The following EPS8 variants were observed in gnomAD, a reference collection of about 807,000 sequenced individuals.
The protein encoded by EPS8 is EGFR pathway substrate 8, signaling adaptor.
EPS8 carries 42 observed loss-of-function variants against 103.8 expected under a neutral mutation model. The observed-to-expected ratio is 0.40, with a 90% CI of 0.32 to 0.52. The LOEUF (loss-of-function observed/expected upper bound fraction) is 0.52, where lower values mean the gene tolerates loss of function less well. Among genes scored for constraint, EPS8 ranks in the 20% least tolerant of loss-of-function variants. The pLI, the probability that EPS8 is intolerant of heterozygous loss-of-function variation, is 0.40. For synonymous variants in EPS8, 344 were observed against 344.6 expected (o/e 1.00, Z 0.02); for missense variants, 969 against 1,005.1 (o/e 0.96, Z 0.49).
chr12:15,654,050 G>T, intron 13 of EPS8, 95 bp downstream of exon 13: 1 of 1,214,258 alleles, frequency 8.2e-7, no homozygotes, highest in Non-Finnish European at 1.2e-6. Flanking sequence ...ATGACGCTTA[G>T]TCCTTCGTAT....
chr12:15,735,876 A>G lies in EPS8; in HGVS notation c.-21-52904T>C, dbSNP rs181840131. Among the ~76,000 whole-genome samples the G allele has an allele frequency of 8.1e-3, 1,228 of 152,052 alleles. 16 individuals are homozygous for G. Among genetic ancestry groups the G allele is most frequent in the African/African-American group, 0.028 (1,142 of 41,356 alleles). ...AAAAAATGCCAATAATAGGACAAAG[A>G]CAAAGAGTTTGTGTTTTTTTGTGTT... On this transcript the variant is annotated intron_variant, in intron 1 of 20. Coordinates refer to ENST00000281172, the MANE Select transcript of EPS8 (RefSeq NM_004447.6). This position sits in a 1 kb window ranked among gnomAD's most constrained non-coding sequence, Gnocchi z 4.4.
In EPS8 at chr12:15,767,727, A is replaced by C. The variant is rs1193108303; in HGVS notation, c.-22+21434T>G. On this transcript the variant is annotated intron_variant, in intron 1 of 20. Coordinates refer to ENST00000281172, the MANE Select transcript of EPS8 (RefSeq NM_004447.6). The surrounding 1 kb of genome is among the most constrained non-coding windows in gnomAD (Gnocchi z 5.5). The stretch of plus-strand genomic sequence containing the variant: ...ATGGTTGTTAGAATAAGGAAATTGA[A>C]ATGGTTGGTGGCAACAGCTCTCCTT... 6.6e-6 allele frequency among the ~76,000 whole-genome samples: 1 copy of C among 152,234 alleles called. No individual in the cohort carries two copies. The highest frequency in any genetic ancestry group is 1.5e-5 in the Non-Finnish European group (1 of 68,048).
Position 15,696,995 on chromosome 12 carries a change from T to C in EPS8, c.-21-14023A>G, listed in dbSNP as rs1485903838. ...GTTTGGGTAAGTAAGCTATTTTAGG[T>C]CAGAAAGAAGAGGAGATTTGAAGAG... On this transcript the variant is annotated intron_variant, in intron 1 of 20. Transcript: ENST00000281172. The surrounding 1 kb of genome is among the most constrained non-coding windows in gnomAD (Gnocchi z 4.8). 6.6e-6 allele frequency among the ~76,000 whole-genome samples: 1 copy of C among 152,132 alleles called. No individual in the cohort carries two copies. The highest frequency in any genetic ancestry group is 2.4e-5 in the African/African-American group (1 of 41,430).
In EPS8 at chr12:15,713,020, G is replaced by A; in HGVS notation, c.-21-30048C>T. 1.0e-6 allele frequency: 1 copy of A among 984,982 alleles called. No individual in the cohort carries two copies. Among genetic ancestry groups the A allele is most frequent in the Non-Finnish European group, 1.2e-6 (1 of 829,576 alleles). The allele number at this position is 984,982 out of a possible 1,614,324, so 61.0% of individuals were successfully genotyped here. The stretch of plus-strand genomic sequence containing the variant: ...CTGTACCAAACAAAATTTCTGATTT[G>A]GTTTCTCTAGGGCGTTAACTAAGAT... On this transcript the variant is annotated intron_variant, in intron 1 of 20. Transcript: ENST00000281172. The surrounding 1 kb of genome is among the most constrained non-coding windows in gnomAD (Gnocchi z 4.8).
In EPS8 at chr12:15,771,204, T is replaced by C. The variant is rs114457063; in HGVS notation, c.-22+17957A>G. 8.2e-3 allele frequency among the ~76,000 whole-genome samples: 1,243 copies of C among 152,242 alleles called. 19 individuals carry two copies. Among genetic ancestry groups the C allele is most frequent in the African/African-American group, 0.028 (1,160 of 41,546 alleles). On this transcript the variant is annotated intron_variant, in intron 1 of 20. Transcript: ENST00000281172. This position sits in a 1 kb window ranked among gnomAD's most constrained non-coding sequence, Gnocchi z 4.6. ...ATAAATTAAAAAGTTATTCCAAATA[T>C]AGACAAGAGGGACACTGAAGCACAG...
chr12:15,730,520 C>T (rs1324860180), intron 1 of EPS8, among the ~76,000 whole-genome samples: 1 of 152,110 alleles, frequency 6.6e-6, no homozygotes, highest in African/African-American at 2.4e-5. Context: ...CAACAAGATA[C>T]ACTAGAACTA....
At chr12:15,641,578 C>T in intron 16 of EPS8, 144 bp downstream of exon 16, 1 of 425,648 alleles carries the variant, frequency 2.3e-6, no homozygotes, top group East Asian at 3.7e-5. Context: ...TATCTATATA[C>T]CCCTACTAAA....
chr12:15,661,453 T>C (rs762105411), intron 9 of EPS8, among the ~76,000 whole-genome samples: 11 of 152,158 alleles, frequency 7.2e-5, no homozygotes, highest in Admixed American at 2.0e-4. Flanking sequence ...AACATGTATA[T>C]GGTATAAAAA....
chr12:15,746,249 CT>C (rs1946874021), intron 1 of EPS8, among the ~76,000 whole-genome samples: 1 of 152,138 alleles, frequency 6.6e-6, no homozygotes, highest in Admixed American at 6.5e-5. Flanking sequence ...CTAGTCAATC[CT>C]CTTTAGCTGC....
chr12:15,670,823 C>T (rs368249840), intron 4 of EPS8, 33 bp downstream of exon 4: 11 of 1,479,918 alleles, frequency 7.4e-6, no homozygotes, highest in Non-Finnish European at 9.4e-6. Context: ...TCAAGGGTCA[C>T]TCTAAATACT....
At chr12:15,681,334 A>C in intron 2 of EPS8, 32 bp from the exon 3 acceptor site, 1 of 981,482 alleles carries the variant, frequency 1.0e-6, no homozygotes, top group Non-Finnish European at 1.4e-6. Context: ...TAATAATAAT[A>C]ATATAAAAAG....
At chr12:15,753,515 C>G (rs187798319) in intron 1 of EPS8, among the ~76,000 whole-genome samples, 6 of 151,888 alleles carry the variant, frequency 4.0e-5, no homozygotes, top group African/African-American at 1.5e-4. Flanking sequence ...AATCCAGGGA[C>G]AAAAGCATAA....
chr12:15,773,806 G>A (rs774413950), intron 1 of EPS8, among the ~76,000 whole-genome samples: 1 of 152,110 alleles, frequency 6.6e-6, no homozygotes, highest in Non-Finnish European at 1.5e-5. Context: ...TGACAAGGTG[G>A]CAATCAGGGG....
intron 3 of EPS8, chr12:15,672,628 C>A (rs1945836218): frequency 2.5e-6 from 1 of 393,720 alleles, no homozygotes; most frequent in South Asian, 1.4e-4. Context: ...AAGTGAGCGA[C>A]TGTGATTTTT....
At chr12:15,708,319 T>C (rs1946415680) in intron 1 of EPS8, among the ~76,000 whole-genome samples, 1 of 152,204 alleles carries the variant, frequency 6.6e-6, no homozygotes, top group Non-Finnish European at 1.5e-5. Flanking sequence ...TTCCATAACA[T>C]AATCCATGTT....
In EPS8 at chr12:15,762,059, T is replaced by C. The variant is rs1947047530; in HGVS notation, c.-22+27102A>G. ...TCTGAAAAGAGATTAATAATCAGAA[T>C]ATATATAGAGCTCAAACAACTCTAC... On this transcript the variant is annotated intron_variant, in intron 1 of 20. Transcript: ENST00000281172. The surrounding 1 kb of genome is among the most constrained non-coding windows in gnomAD (Gnocchi z 4.8). Among the ~76,000 whole-genome samples, 1 of 152,130 alleles carries C rather than the reference T, an allele frequency of 6.6e-6. No individual in the cohort carries two copies. Among genetic ancestry groups the C allele is most frequent in the South Asian group, 2.1e-4 (1 of 4,828 alleles).
In EPS8 at chr12:15,734,286, CCTTTT is replaced by C. The variant is rs1414869519; in HGVS notation, c.-21-51319_-21-51315del. The stretch of plus-strand genomic sequence containing the variant: ...TCCTCCTCAGCTGCTTCCTCCTCTT[CCTTTT>C]CTTCTATTTGTTTGCCAGTTTATTC... On this transcript the variant is annotated intron_variant, in intron 1 of 20. Transcript: ENST00000281172. This position sits in a 1 kb window ranked among gnomAD's most constrained non-coding sequence, Gnocchi z 4.1. 2.5e-4 allele frequency among the ~76,000 whole-genome samples: 38 copies of C among 152,314 alleles called. No homozygotes were observed. Among genetic ancestry groups the C allele is most frequent in the Admixed American group, 2.5e-3 (38 of 15,294 alleles).
chr12:15,685,683 A>T (rs1056943817), intron 1 of EPS8, among the ~76,000 whole-genome samples: 1 of 152,230 alleles, frequency 6.6e-6, no homozygotes, highest in Admixed American at 6.5e-5. Context: ...AGTTTCACTT[A>T]TCACGGCGGC....
rs1482566609 is a variant in EPS8, at chr12:15,732,249, G to A, written c.-21-49277C>T. Reference sequence around the variant, plus strand: ...ATGACTACACACAATTTGTCAAGGTGATCTACTGTATCGAGACCTTCATCA... The same window carrying A: ...ATGACTACACACAATTTGTCAAGGTAATCTACTGTATCGAGACCTTCATCA... On this transcript the variant is annotated intron_variant, in intron 1 of 20. Coordinates refer to ENST00000281172, the MANE Select transcript of EPS8 (RefSeq NM_004447.6). Among the ~76,000 whole-genome samples, 3 of 152,136 alleles carry A rather than the reference G, an allele frequency of 2.0e-5. No homozygotes were observed. In the East Asian group the frequency reaches 5.8e-4, roughly 29 times the overall value.
Sources: allele counts gnomAD v4.1 joint callset (sites outside exome capture counted in the v4.1 genomes callset), GRCh38; gene constraint gnomAD v4.1.1; non-coding constraint Gnocchi (gnomAD v3.1); transcripts MANE v1.5; gene names NCBI Gene and HGNC (gene_info 2026-07-23, HGNC 2026-07-21).